Variants in LNX2 observed in about 807,000 individuals in gnomAD.
The protein encoded by LNX2 is ligand of numb-protein X 2.
Under a neutral mutation model 66.2 loss-of-function variants are expected in LNX2, and 35 were observed. That is an observed-to-expected ratio of 0.53 (90% confidence interval 0.40 to 0.70). The LOEUF (loss-of-function observed/expected upper bound fraction) is 0.70. Ranked by LOEUF, LNX2 falls within the 30% of genes least tolerant of loss-of-function variation. The pLI is 0.00. For missense variants in LNX2, 791 were observed against 850.8 expected, an observed-to-expected ratio of 0.93 and a Z score of 0.87; for synonymous variants, 337 against 315.6, an observed-to-expected ratio of 1.07 and a Z score of -0.72.
At position 27,569,142 on chromosome 13, in the gene LNX2, A is replaced by G. The variant is rs758514464; in HGVS notation, c.542T>C (p.Leu181Ser). The G allele has an allele frequency of 2.5e-5, 40 of 1,612,644 alleles. No homozygotes were observed. Among genetic ancestry groups the G allele is most frequent in the Non-Finnish European group, 3.2e-5 (38 of 1,179,590 alleles). The change falls in exon 3 of 10, where the codon TTG (leucine) becomes TCG (serine). Residue 181 changes from leucine to serine, a missense_variant. Physicochemically the swap from Leu to Ser is moderately radical, Grantham distance 145. Transcript: ENST00000316334. ...CTCCACAGGCACTGCGCCTGTCCCC[A>G]AACAGTCTGCTTCTGGAGATAAGGT... is the stretch of plus-strand genomic sequence containing the variant. ...AGTLSPEADC[L>S]GTGAVPVERH...
intron 1 of LNX2, among the ~76,000 whole-genome samples, chr13:27,593,957 T>C (rs1377500716): frequency 6.6e-6 from 1 of 152,034 alleles, no homozygotes; most frequent in Non-Finnish European, 1.5e-5. Flanking sequence ...TTGTAACAGC[T>C]GTCCAATTAC....
At chr13:27,610,380 C>T (rs538000415) in intron 1 of LNX2, among the ~76,000 whole-genome samples, 2 of 152,330 alleles carry the variant, frequency 1.3e-5, no homozygotes, top group South Asian at 4.1e-4. Flanking sequence ...TCAATTCTCC[C>T]AATTTAAAAC....
At chr13:27,619,136 A>C (rs1955861362) in intron 1 of LNX2, among the ~76,000 whole-genome samples, 1 of 152,224 alleles carries the variant, frequency 6.6e-6, no homozygotes, top group South Asian at 2.1e-4. Flanking sequence ...AAGTGGGCCG[A>C]ATTAAAAGTG....
At chr13:27,598,148 C>T (rs1301202527) in intron 1 of LNX2, among the ~76,000 whole-genome samples, 1 of 151,106 alleles carries the variant, frequency 6.6e-6, no homozygotes, top group African/African-American at 2.4e-5. Flanking sequence ...TGCAGCACAT[C>T]ACTTAGCACA....
At position 27,546,863 on chromosome 13, in the gene LNX2, T is replaced by G. The variant is rs1199541103; in HGVS notation, c.*1472A>C. ...TTCACTTATTTATGTGTTCAGAGGA[T>G]AAGTATGTTGAATAAAGGACAAAAA... On this transcript the variant is annotated 3_prime_UTR_variant, in exon 10 of 10. Coordinates refer to ENST00000316334, the MANE Select transcript of LNX2 (RefSeq NM_153371.4). 2.0e-5 allele frequency: 3 copies of G among 152,156 alleles called. No individual in the cohort carries two copies. The highest frequency in any genetic ancestry group is 7.2e-5 in the African/African-American group (3 of 41,444). The allele number at this position is 152,156 out of a possible 1,614,324, so 9.4% of individuals were successfully genotyped here.
chr13:27,561,685 A>G (rs1955137588), intron 5 of LNX2, among the ~76,000 whole-genome samples: 2 of 152,184 alleles, frequency 1.3e-5, no homozygotes, highest in African/African-American at 2.4e-5. Flanking sequence ...CCTCAATTAC[A>G]TAATTCTTGG....
chr13:27,551,889 C>A (rs73446813), intron 8 of LNX2, among the ~76,000 whole-genome samples: 29,781 of 151,998 alleles, frequency 0.2, 3,121 homozygotes, highest in East Asian at 0.28. Flanking sequence ...TCCCTTTTCA[C>A]GAAAAGCAGA....
chr13:27,564,171 T>C (rs1955175263), intron 4 of LNX2, among the ~76,000 whole-genome samples: 1 of 152,208 alleles, frequency 6.6e-6, no homozygotes, highest in African/African-American at 2.4e-5. Flanking sequence ...AATCCAGCCA[T>C]GTGTAAACAT....
chr13:27,591,238 G>A (rs1017578343), intron 1 of LNX2, among the ~76,000 whole-genome samples: 11 of 152,108 alleles, frequency 7.2e-5, no homozygotes, highest in African/African-American at 2.7e-4. Flanking sequence ...AAACTTAAAA[G>A]AAAGAAAATA....
intron 2 of LNX2, among the ~76,000 whole-genome samples, chr13:27,570,106 T>C (rs879499757): frequency 5.9e-5 from 9 of 152,198 alleles, no homozygotes; most frequent in African/African-American, 1.7e-4. Flanking sequence ...TGCCTTTCCA[T>C]TGGACACCTT....
intron 1 of LNX2, among the ~76,000 whole-genome samples, chr13:27,602,209 C>G (rs1408983455): frequency 6.6e-6 from 1 of 152,146 alleles, no homozygotes; most frequent in African/African-American, 2.4e-5. Context: ...TCCCAAGTAG[C>G]TGGGATTACA....
At chr13:27,567,866 A>G in intron 3 of LNX2, 27 bp from the exon 4 acceptor site, 1 of 1,585,156 alleles carries the variant, frequency 6.3e-7, no homozygotes, top group South Asian at 1.1e-5. Context: ...GAGACAGACA[A>G]AAACAGATGT....
chr13:27,601,187 T>A (rs1955654050), intron 1 of LNX2, among the ~76,000 whole-genome samples: 1 of 152,158 alleles, frequency 6.6e-6, no homozygotes, highest in African/African-American at 2.4e-5. Context: ...ATTTTATAGA[T>A]GAGGAAAACG....
rs1250724704 is a variant in LNX2, at chr13:27,603,162, A to G, written c.-101+17213T>C. Among the ~76,000 whole-genome samples the G allele has an allele frequency of 2.0e-5, 3 of 152,190 alleles. No homozygotes were observed. In the East Asian group the frequency reaches 5.8e-4, roughly 29 times the overall value. On this transcript the variant is annotated intron_variant, in intron 1 of 9. Coordinates refer to ENST00000316334, the MANE Select transcript of LNX2 (RefSeq NM_153371.4). ...TGTTTATCTCTTACTACTTAATAAT[A>G]CCAACAATTTATGGCTCACTTAACC...
intron 1 of LNX2, among the ~76,000 whole-genome samples, chr13:27,602,224 T>C (rs566339602): frequency 6.6e-6 from 1 of 152,268 alleles, no homozygotes; most frequent in South Asian, 2.1e-4. Context: ...ATTACAGGCA[T>C]GTACCACCAT....
At chr13:27,591,525 C>T (rs1477123779) in intron 1 of LNX2, among the ~76,000 whole-genome samples, 2 of 152,212 alleles carry the variant, frequency 1.3e-5, no homozygotes, top group African/African-American at 4.8e-5. Context: ...TGAACTTTCA[C>T]AAACCAACTA....
chr13:27,562,366 A>C (rs781353146), intron 5 of LNX2, 47 bp downstream of exon 5: 1 of 1,560,028 alleles, frequency 6.4e-7, no homozygotes, highest in Non-Finnish European at 8.7e-7. Flanking sequence ...ATACTACTAT[A>C]TGATCATTTC....
chr13:27,582,742 G>C (rs1955414966), intron 1 of LNX2, among the ~76,000 whole-genome samples: 1 of 152,084 alleles, frequency 6.6e-6, no homozygotes, highest in African/African-American at 2.4e-5. Flanking sequence ...GGCCTGTCAG[G>C]GGATGGGGGG....
intron 4 of LNX2, among the ~76,000 whole-genome samples, chr13:27,565,254 A>G (rs949712148): frequency 1.3e-5 from 2 of 152,226 alleles, no homozygotes; most frequent in Admixed American, 1.3e-4. Flanking sequence ...GATGAAATGT[A>G]TTAGTAAAAA....
Sources: allele counts gnomAD v4.1 joint callset (sites outside exome capture counted in the v4.1 genomes callset), GRCh38; gene constraint gnomAD v4.1.1; transcripts MANE v1.5; gene names NCBI Gene and HGNC (gene_info 2026-07-23, HGNC 2026-07-21).